The following TLK2 variants were observed in gnomAD, a reference collection of about 807,000 sequenced individuals.
TLK2 encodes the protein tousled like kinase 2, also known as serine/threonine-protein kinase tousled-like 2.
Under a neutral mutation model 117.3 loss-of-function variants are expected in TLK2, and 6 were observed. The observed-to-expected ratio is 0.05, with a 90% CI of 0.03 to 0.10. The LOEUF is 0.10. TLK2 is among the 10% of genes least tolerant of loss of function. The probability of loss-of-function intolerance (pLI) is 1.00; values close to 1 mark genes in which losing one functional copy is unlikely to be tolerated. For missense variants in TLK2, 299 were observed against 901.2 expected (o/e 0.33, Z 8.56); for synonymous variants, 257 against 316.7 (o/e 0.81, Z 2.00).
At chr17:62,479,924 G>T (rs1275278008) in intron 1 of TLK2, among the ~76,000 whole-genome samples, 1 of 152,212 alleles carries the variant, frequency 6.6e-6, no homozygotes, top group East Asian at 1.9e-4. Flanking sequence ...AAGGCCACGG[G>T]GGAAACTCAT....
intron 7 of TLK2, among the ~76,000 whole-genome samples, chr17:62,540,099 C>CTTTTTTT (rs571889873): frequency 1.6e-5 from 2 of 125,102 alleles, no homozygotes; most frequent in Non-Finnish European, 3.5e-5. Flanking sequence ...TCTTTCTTTT[C>CTTTTTTT]TTTTTTTTTT....
chr17:62,483,935 C>T (rs1309316077), intron 2 of TLK2, among the ~76,000 whole-genome samples: 1 of 152,062 alleles, frequency 6.6e-6, no homozygotes, highest in East Asian at 1.9e-4. Flanking sequence ...AAGCTATTCT[C>T]CTGCCTCAGC....
At chr17:62,541,699 A>G (rs1420269419) in intron 7 of TLK2, among the ~76,000 whole-genome samples, 1 of 152,070 alleles carries the variant, frequency 6.6e-6, no homozygotes, top group Non-Finnish European at 1.5e-5. Context: ...ATTATAGCAT[A>G]CTATAGCCTT....
chr17:62,552,483 G>C (rs1193919046), intron 8 of TLK2, 86 bp downstream of exon 8: 23 of 1,591,908 alleles, frequency 1.4e-5, no homozygotes, highest in Non-Finnish European at 2.0e-5. Context: ...ATTCTTCTCT[G>C]ACTTCTCTGT....
chr17:62,521,098 T>C (rs1278704387), intron 3 of TLK2, among the ~76,000 whole-genome samples: 2 of 151,968 alleles, frequency 1.3e-5, no homozygotes, highest in African/African-American at 4.8e-5. Context: ...AGAATGAGGC[T>C]GCAGTGAGCT....
chr17:62,476,396 A>T (rs1454469873), upstream of TLK2, among the ~76,000 whole-genome samples: 3 of 152,074 alleles, frequency 2.0e-5, no homozygotes, highest in Admixed American at 2.0e-4. Flanking sequence ...AGTCTGGCCA[A>T]CATAGTGAAA....
intron 2 of TLK2, among the ~76,000 whole-genome samples, chr17:62,513,381 G>C (rs1426980822): frequency 1.4e-5 from 2 of 143,950 alleles, no homozygotes; most frequent in Admixed American, 1.4e-4. Flanking sequence ...GGAGTGCAGT[G>C]GTGTGATCAT....
chr17:62,538,479 C>A (rs1413893365), intron 7 of TLK2, among the ~76,000 whole-genome samples: 1 of 152,170 alleles, frequency 6.6e-6, no homozygotes, highest in Non-Finnish European at 1.5e-5. Flanking sequence ...TCCACAAATA[C>A]GTACTGAGTG....
chr17:62,514,096 C>G (rs909430751), intron 2 of TLK2, among the ~76,000 whole-genome samples: 1 of 151,906 alleles, frequency 6.6e-6, no homozygotes, highest in African/African-American at 2.4e-5. Context: ...AAAAAAAGTG[C>G]TACGTGTTAG....
At chr17:62,536,113 G>T (rs560986797) in intron 6 of TLK2, 57 bp from the exon 7 acceptor site, 2 of 1,563,506 alleles carry the variant, frequency 1.3e-6, no homozygotes, top group African/African-American at 2.7e-5. Context: ...TTGCATGTTT[G>T]GGCAGTATCA....
chr17:62,551,996 A>G (rs2146199437), intron 7 of TLK2: 3 of 365,356 alleles, frequency 8.2e-6, no homozygotes, highest in South Asian at 7.1e-5. Flanking sequence ...TACAAGTGAA[A>G]AAGGCAAGTT....
At chr17:62,474,400 A>C (rs1439978837), upstream of TLK2, among the ~76,000 whole-genome samples, 2 of 132,004 alleles carry the variant, frequency 1.5e-5, no homozygotes, top group African/African-American at 5.8e-5. Flanking sequence ...TTAATGACAT[A>C]ATTTTATTTA....
intron 16 of TLK2, among the ~76,000 whole-genome samples, chr17:62,588,535 G>A (rs1441504412): frequency 6.6e-6 from 1 of 152,214 alleles, no homozygotes; most frequent in African/African-American, 2.4e-5. Flanking sequence ...TCAGAGGAGG[G>A]ATCATGGTGC....
intron 6 of TLK2, among the ~76,000 whole-genome samples, chr17:62,534,163 T>C (rs936836259): frequency 5.3e-5 from 8 of 152,178 alleles, no homozygotes; most frequent in African/African-American, 1.9e-4. Context: ...ATTATGATTA[T>C]TTTTTTAAGT....
intron 7 of TLK2, among the ~76,000 whole-genome samples, chr17:62,551,329 C>G (rs2078439113): frequency 6.6e-6 from 1 of 152,164 alleles, no homozygotes; most frequent in African/African-American, 2.4e-5. Flanking sequence ...TTTACCATTC[C>G]ATGATTCTCA....
In TLK2 at chr17:62,559,998, A is replaced by C. The variant is rs777550024; in HGVS notation, c.721-18A>C. 28 of 1,570,422 alleles carry C rather than the reference A, an allele frequency of 1.8e-5. No homozygotes were observed. The highest frequency in any genetic ancestry group is 2.4e-5 in the Non-Finnish European group (28 of 1,154,298). ...TCTTCTTCCTTGGAGCTAATTAAAAATTTTTTTCTCATTGAAGGCCAACTG... is the reference window on the plus strand; with the variant it reads ...TCTTCTTCCTTGGAGCTAATTAAAACTTTTTTTCTCATTGAAGGCCAACTG... On this transcript the variant is annotated intron_variant, in intron 9 of 21. Transcript: ENST00000346027.
At chr17:62,544,656 T>C (rs2077774126) in intron 7 of TLK2, among the ~76,000 whole-genome samples, 1 of 152,216 alleles carries the variant, frequency 6.6e-6, no homozygotes, top group Admixed American at 6.5e-5. Flanking sequence ...CTTCCAACTT[T>C]GTTGGGTTTC....
intron 16 of TLK2, 148 bp downstream of exon 16, chr17:62,586,374 T>C (rs2081605913): frequency 3.2e-6 from 2 of 618,182 alleles, no homozygotes; most frequent in African/African-American, 3.7e-5. Context: ...TTCTCAGTGT[T>C]ACGACGAGGA....
At chr17:62,564,356 T>C (rs2146425858) in intron 10 of TLK2, among the ~76,000 whole-genome samples, 1 of 152,152 alleles carries the variant, frequency 6.6e-6, no homozygotes, top group East Asian at 1.9e-4. Flanking sequence ...GTCAACACAG[T>C]GAAACCCCGT....
Sources: allele counts gnomAD v4.1 joint callset (sites outside exome capture counted in the v4.1 genomes callset), GRCh38; gene constraint gnomAD v4.1.1; transcripts MANE v1.5; gene names NCBI Gene and HGNC (gene_info 2026-07-23, HGNC 2026-07-21).